E2F7: variants seen among roughly 807,000 people sequenced by gnomAD.
E2F7 encodes transcription factor E2F7.
In E2F7, 35 loss-of-function variants were observed where a neutral mutation model predicts 81.1. The observed-to-expected ratio is 0.43, with a 90% CI of 0.33 to 0.57. The LOEUF (loss-of-function observed/expected upper bound fraction) is 0.57. Among genes scored for constraint, E2F7 ranks in the 20% least tolerant of loss-of-function variants. E2F7 has a pLI of 0.04. For synonymous variants in E2F7, 416 were observed against 416.2 expected, an observed-to-expected ratio of 1.00 and a Z score of 0.01; for missense variants, 961 against 1,093.7, an observed-to-expected ratio of 0.88 and a Z score of 1.71.
intron 11 of E2F7, among the ~76,000 whole-genome samples, chr12:77,026,321 G>T (rs937381127): frequency 1.3e-5 from 2 of 151,976 alleles, no homozygotes; most frequent in African/African-American, 4.8e-5. Flanking sequence ...GTTTTGTTTT[G>T]AGACCCAGTC....
chr12:77,025,966 A>G lies in E2F7; in HGVS notation c.2157T>C (p.Asn719=). The G allele has an allele frequency of 6.2e-7, 1 of 1,609,566 alleles. No individual in the cohort carries two copies. Among genetic ancestry groups the G allele is most frequent in the Non-Finnish European group, 8.5e-7 (1 of 1,177,836 alleles). The change falls in exon 12 of 13, where the codon AAT becomes AAC. Residue 719 remains asparagine, a synonymous_variant. Transcript: ENST00000322886. The part of the protein sequence containing the change: ...VQSPAGLNGF[N]VLLSGSQTPP... ...GGGTTTGACTGCCAGATAAAAGTACATTGAAACCATTTAATCCTGAAAGAA... is the reference window on the plus strand; with the variant it reads ...GGGTTTGACTGCCAGATAAAAGTACGTTGAAACCATTTAATCCTGAAAGAA...
At chr12:77,044,563 G>A in intron 6 of E2F7, 74 bp downstream of exon 6, 1 of 1,520,478 alleles carries the variant, frequency 6.6e-7, no homozygotes, top group Non-Finnish European at 9.0e-7. Flanking sequence ...TTTTAATCTT[G>A]GAAGCAGAAA....
At chr12:77,031,950 C>A (rs544427274) in intron 9 of E2F7, among the ~76,000 whole-genome samples, 19 of 152,306 alleles carry the variant, frequency 1.2e-4, no homozygotes, top group African/African-American at 4.6e-4. Context: ...CATCCACCTT[C>A]AACTTCTCCA....
At chr12:77,037,791 G>C (rs1954863943) in intron 7 of E2F7, among the ~76,000 whole-genome samples, 1 of 152,058 alleles carries the variant, frequency 6.6e-6, no homozygotes, top group Non-Finnish European at 1.5e-5. Context: ...CAAGATGACA[G>C]ATTAAAATCC....
rs756112436 is a variant in E2F7, at chr12:77,046,160, G to A, written c.707C>T (p.Ala236Val). ...GEEQKYEEQMAYLQQKELDLI... is the reference protein window; with the variant it reads ...GEEQKYEEQMVYLQQKELDLI... Reference sequence around the variant, plus strand: ...GTCCAGCTCTTTCTGTTGGAGGTAGGCCATTTGCTCTTCATATTTCTGCTC... The same window carrying A: ...GTCCAGCTCTTTCTGTTGGAGGTAGACCATTTGCTCTTCATATTTCTGCTC... The change falls in exon 5 of 13, where the codon GCC becomes GTC. Residue 236 changes from alanine (A) to valine (V), a missense_variant. Physicochemically the swap from Ala to Val is moderately conservative, Grantham distance 64 (BLOSUM62 0). Coordinates refer to ENST00000322886, the MANE Select transcript of E2F7 (RefSeq NM_203394.3). The A allele has an allele frequency of 3.7e-6, 6 of 1,614,024 alleles. No individual in the cohort carries two copies. The highest frequency in any genetic ancestry group is 1.6e-4 in the Middle Eastern group (1 of 6,084).
In E2F7 at chr12:77,024,048, C is replaced by T; in HGVS notation, c.2703G>A (p.Arg901=). The part of the protein sequence containing the change: ...NQSRNTSSAQ[R]RLEIPSGGAD Reference sequence around the variant, plus strand: ...CGCCGCCGCTGGGGATTTCTAGTCTCCTCTGGGCCGAGCTGGTGTTTCGTG... The same window carrying T: ...CGCCGCCGCTGGGGATTTCTAGTCTTCTCTGGGCCGAGCTGGTGTTTCGTG... The change falls in exon 13 of 13, where the codon AGG becomes AGA. Residue 901 remains arginine, a synonymous_variant. Transcript: ENST00000322886. 2 of 1,613,992 alleles carry T rather than the reference C, an allele frequency of 1.2e-6. No homozygotes were observed. The highest frequency in any genetic ancestry group is 1.3e-5 in the African/African-American group (1 of 75,014).
chr12:77,032,388 C>T (rs1042093025), intron 9 of E2F7, among the ~76,000 whole-genome samples: 3 of 152,210 alleles, frequency 2.0e-5, no homozygotes, highest in African/African-American at 7.2e-5. Flanking sequence ...ATCTTCTGCT[C>T]CCTGGCCCTG....
rs763013191 is a variant in E2F7, at chr12:77,056,149, T to A, written c.94-19A>T. The A allele has an allele frequency of 4.1e-4, 642 of 1,571,812 alleles. No individual in the cohort carries two copies. Among genetic ancestry groups the A allele is most frequent in the Non-Finnish European group, 5.1e-4 (595 of 1,164,894 alleles). ...TATTTTCCTATTTTAAAAAAGAAACTTTTAGCAAGAATGAGAAAGGGCAGG... is the reference window on the plus strand; with the variant it reads ...TATTTTCCTATTTTAAAAAAGAAACATTTAGCAAGAATGAGAAAGGGCAGG... On this transcript the variant is annotated intron_variant, in intron 2 of 12. Coordinates refer to ENST00000322886, the MANE Select transcript of E2F7 (RefSeq NM_203394.3).
chr12:77,046,222 CA>C lies in E2F7; in HGVS notation c.644del (p.Leu215ArgfsTer5). On this transcript the variant is annotated frameshift_variant, in exon 5 of 13. Transcript: ENST00000322886. LOFTEE classifies it high-confidence loss of function. Reference sequence around the variant, plus strand: ...TCTGGAGGTTCCTCAGGGTTTTTGGCAGGCTGTGCCGTCCATGCCAGCCATA... The same window carrying C: ...TCTGGAGGTTCCTCAGGGTTTTTGGCGGCTGTGCCGTCCATGCCAGCCATA... Reference protein sequence around the residue: ...NQYGWHGRHSLPKTLRNLQRL... With the variant: ...NQYGWHGRHSXPKTLRNLQRL... 1 of 1,614,186 alleles carries C rather than the reference CA, an allele frequency of 6.2e-7. No homozygotes were observed. The highest frequency in any genetic ancestry group is 8.5e-7 in the Non-Finnish European group (1 of 1,180,034).
At position 77,028,134 on chromosome 12, in the gene E2F7, G is replaced by A. The variant is rs1954774642; in HGVS notation, c.1889C>T (p.Pro630Leu). The A allele has an allele frequency of 6.2e-7, 1 of 1,612,414 alleles. No homozygotes were observed. The highest frequency in any genetic ancestry group is 1.3e-5 in the African/African-American group (1 of 74,864). The change falls in exon 11 of 13, where the codon CCC (proline) becomes CTC (leucine). Residue 630 changes from proline to leucine, a missense_variant. Coordinates refer to ENST00000322886, the MANE Select transcript of E2F7 (RefSeq NM_203394.3). ...GPLSLVMPKK[P>L]SDSTDLASPK... ...AGAGGCAAGGTCTGTGGAATCTGAG[G>A]GTTTCTAAACACAACCAAACCAGGA...
At position 77,055,125 on chromosome 12, in the gene E2F7, C is replaced by T. The variant is rs141818155; in HGVS notation, c.369+730G>A. 7.3e-3 allele frequency among the ~76,000 whole-genome samples: 1,118 copies of T among 152,280 alleles called. 6 individuals are homozygous for T. Among genetic ancestry groups the T allele is most frequent in the Non-Finnish European group, 0.012 (801 of 68,010 alleles). On this transcript the variant is annotated intron_variant, in intron 3 of 12. Transcript: ENST00000322886. ...TACATGAAAGAATCTCTTACTACTA[C>T]CGCTACTCTACCACTGCAAGATATA...
At chr12:77,063,084 C>T (rs562223999) in intron 2 of E2F7, among the ~76,000 whole-genome samples, 12 of 152,298 alleles carry the variant, frequency 7.9e-5, no homozygotes, top group African/African-American at 2.4e-4. Flanking sequence ...TGACTCACCC[C>T]TTTGTCCAGC....
chr12:77,047,859 A>C (rs1954955787), intron 4 of E2F7, among the ~76,000 whole-genome samples: 1 of 152,198 alleles, frequency 6.6e-6, no homozygotes, highest in South Asian at 2.1e-4. Flanking sequence ...TCTTTATTCC[A>C]GTCTGTTTTC....
intron 7 of E2F7, among the ~76,000 whole-genome samples, chr12:77,034,669 A>G (rs961068835): frequency 1.3e-5 from 2 of 152,226 alleles, no homozygotes; most frequent in African/African-American, 2.4e-5. Context: ...ATGTGGGGTT[A>G]AGACACAACT....
chr12:77,031,876 G>A (rs1954810624), intron 9 of E2F7, among the ~76,000 whole-genome samples: 1 of 152,102 alleles, frequency 6.6e-6, no homozygotes, highest in Admixed American at 6.5e-5. Context: ...AATGGGTATT[G>A]CTCAGCTCTG....
intron 2 of E2F7, among the ~76,000 whole-genome samples, chr12:77,062,608 C>T (rs1448148819): frequency 6.6e-6 from 1 of 152,138 alleles, no homozygotes; most frequent in Non-Finnish European, 1.5e-5. Flanking sequence ...TTTTTCCCCA[C>T]ACACATTAGA....
At chr12:77,051,032 T>C (rs1043068659) in intron 3 of E2F7, among the ~76,000 whole-genome samples, 4 of 152,180 alleles carry the variant, frequency 2.6e-5, no homozygotes, top group Non-Finnish European at 5.9e-5. Flanking sequence ...ACTAGTGCGC[T>C]CGCTAGGCCT....
chr12:77,034,182 A>C (rs770740796), intron 7 of E2F7, 140 bp from the exon 8 acceptor site: 22 of 656,336 alleles, frequency 3.4e-5, no homozygotes, highest in Non-Finnish European at 5.1e-5. Context: ...AATCAAAGGA[A>C]TTTTATGAGC....
intron 7 of E2F7, among the ~76,000 whole-genome samples, chr12:77,035,430 G>A (rs1954840950): frequency 6.6e-6 from 1 of 152,166 alleles, no homozygotes; most frequent in Non-Finnish European, 1.5e-5. Context: ...TGGGAAAAGT[G>A]CCTGTTGCCA....
Sources: allele counts gnomAD v4.1 joint callset (sites outside exome capture counted in the v4.1 genomes callset), GRCh38; gene constraint gnomAD v4.1.1; transcripts MANE v1.5; gene names NCBI Gene and HGNC (gene_info 2026-07-23, HGNC 2026-07-21).